Variants in DLGAP2 observed in about 807,000 individuals in gnomAD.
DLGAP2 encodes disks large-associated protein 2.
A neutral mutation model predicts 100.3 loss-of-function variants in DLGAP2; 26 were observed. The ratio of observed to expected loss-of-function variants is 0.26; its 90% CI spans 0.19 to 0.36. DLGAP2 has a LOEUF of 0.36. Ranked by LOEUF, DLGAP2 falls within the 10% of genes least tolerant of loss-of-function variation. The pLI is 1.00. For missense variants in DLGAP2, 1,858 were observed against 1,453.2 expected (o/e 1.28, Z -4.53); for synonymous variants, 886 against 630.1 (o/e 1.41, Z -6.08).
intron 3 of DLGAP2, among the ~76,000 whole-genome samples, chr8:1,340,537 C>G (rs773221863): frequency 2.6e-5 from 4 of 152,204 alleles, no homozygotes; most frequent in Non-Finnish European, 4.4e-5. Flanking sequence ...GATGCCGTCT[C>G]ACAGCAGTCA....
chr8:1,701,045 GCA>G, intron 14 of DLGAP2, 141 bp from the exon 15 acceptor site: 1 of 735,102 alleles, frequency 1.4e-6, no homozygotes, highest in East Asian at 2.7e-5. Flanking sequence ...GGGGACCAGG[GCA>G]GACGGGGGAC....
chr8:1,351,338 G>C (rs796469667), intron 3 of DLGAP2, among the ~76,000 whole-genome samples: 2 of 45,594 alleles, frequency 4.4e-5, no homozygotes, highest in Non-Finnish European at 4.7e-5. Flanking sequence ...CGGGTCCTGA[G>C]TGTGGAACGG....
intron 3 of DLGAP2, among the ~76,000 whole-genome samples, chr8:1,477,068 C>T (rs996524526): frequency 3.9e-5 from 6 of 152,270 alleles, no homozygotes; most frequent in African/African-American, 9.6e-5. Flanking sequence ...CCACCGCAGA[C>T]ACAATTAATC....
At chr8:1,550,568 A>C (rs534068801) in intron 5 of DLGAP2, among the ~76,000 whole-genome samples, 46 of 152,210 alleles carry the variant, frequency 3.0e-4, no homozygotes, top group African/African-American at 1.0e-3. Flanking sequence ...CACTCCCTGC[A>C]CCTGGCCACA....
chr8:1,418,986 C>G (rs994113827), intron 3 of DLGAP2, among the ~76,000 whole-genome samples: 1 of 152,270 alleles, frequency 6.6e-6, no homozygotes, highest in Admixed American at 6.5e-5. Flanking sequence ...TGCTCCCACT[C>G]AGGCACAGCC....
intron 3 of DLGAP2, among the ~76,000 whole-genome samples, chr8:1,320,269 T>A (rs1800864659): frequency 6.6e-6 from 1 of 151,520 alleles, no homozygotes; most frequent in Admixed American, 6.6e-5. Flanking sequence ...CCCCACTGAG[T>A]GTAGTAAAGA....
intron 2 of DLGAP2, among the ~76,000 whole-genome samples, chr8:1,100,060 C>A (rs1196860274): frequency 6.6e-6 from 1 of 152,240 alleles, no homozygotes; most frequent in Non-Finnish European, 1.5e-5. Flanking sequence ...TGTAATGAAT[C>A]TTGTGCCATC....
At chr8:1,682,983 C>T (rs1385012762) in intron 12 of DLGAP2, among the ~76,000 whole-genome samples, 1 of 151,442 alleles carries the variant, frequency 6.6e-6, no homozygotes, top group African/African-American at 2.4e-5. Flanking sequence ...TGGACTCTCT[C>T]AGTGATGTCT....
intron 3 of DLGAP2, among the ~76,000 whole-genome samples, chr8:1,282,641 C>T (rs36190679): frequency 9.4e-6 from 1 of 106,724 alleles, no homozygotes; most frequent in African/African-American, 3.9e-5. Flanking sequence ...TGACCTGAAC[C>T]CAGCGCATGA....
At chr8:1,185,530 G>A (rs78863634) in intron 2 of DLGAP2, among the ~76,000 whole-genome samples, 5,162 of 152,164 alleles carry the variant, frequency 0.034, 124 homozygotes, top group East Asian at 0.16. Context: ...CCTAGGAACC[G>A]TCATACCATC....
chr8:1,686,270 G>A lies in DLGAP2; in HGVS notation c.2705-5265G>A, dbSNP rs189554838. On this transcript the variant is annotated intron_variant, in intron 12 of 14. Coordinates refer to ENST00000637795, the MANE Select transcript of DLGAP2 (RefSeq NM_001346810.2). ...GAATATTATTCAGCCATAAAAAAAG[G>A]AATTAAGTCTTGTCATTTGGAGCAA... 2.0e-3 allele frequency among the ~76,000 whole-genome samples: 298 copies of A among 152,328 alleles called. 2 individuals carry two copies. Among genetic ancestry groups the A allele is most frequent in the Admixed American group, 4.4e-3 (67 of 15,304 alleles).
At chr8:942,398 T>C (rs1799217366) in intron 2 of DLGAP2, among the ~76,000 whole-genome samples, 1 of 152,170 alleles carries the variant, frequency 6.6e-6, no homozygotes, top group African/African-American at 2.4e-5. Flanking sequence ...GTCTTTCTCC[T>C]CCCACCTGGA....
intron 3 of DLGAP2, among the ~76,000 whole-genome samples, chr8:1,270,619 C>T (rs982719790): frequency 2.6e-5 from 4 of 152,168 alleles, no homozygotes; most frequent in African/African-American, 9.6e-5. Flanking sequence ...TTCTCTGACC[C>T]TGACGTTCTC....
intron 2 of DLGAP2, among the ~76,000 whole-genome samples, chr8:935,105 TGAA>T (rs1489513329): frequency 1.8e-4 from 28 of 152,216 alleles, no homozygotes; most frequent in African/African-American, 6.5e-4. Context: ...CCCACACACT[TGAA>T]GAGAGCCTGC....
chr8:1,567,692 C>A (rs879718198), intron 6 of DLGAP2, among the ~76,000 whole-genome samples: 6 of 152,114 alleles, frequency 3.9e-5, no homozygotes, highest in African/African-American at 1.4e-4. Context: ...GGCTCCAGTA[C>A]TAACAATGTT....
chr8:1,212,725 C>G (rs777489883), intron 2 of DLGAP2, among the ~76,000 whole-genome samples: 5 of 151,824 alleles, frequency 3.3e-5, no homozygotes, highest in Non-Finnish European at 4.4e-5. Context: ...TTTATTTTTC[C>G]AGTACCTTTT....
intron 3 of DLGAP2, among the ~76,000 whole-genome samples, chr8:1,370,681 G>A (rs1443700055): frequency 1.3e-5 from 2 of 152,160 alleles, no homozygotes; most frequent in African/African-American, 4.8e-5. Flanking sequence ...CCTGTTCCTG[G>A]GATCACCCCA....
At chr8:1,509,753 T>G (rs1336275050) in intron 4 of DLGAP2, among the ~76,000 whole-genome samples, 1 of 152,178 alleles carries the variant, frequency 6.6e-6, no homozygotes, top group Non-Finnish European at 1.5e-5. Flanking sequence ...TTAAGATAAT[T>G]AAATATGGTA....
intron 1 of DLGAP2, among the ~76,000 whole-genome samples, chr8:830,894 C>CT (rs5888818): frequency 1.8e-5 from 2 of 110,614 alleles, no homozygotes; most frequent in East Asian, 2.6e-4. Flanking sequence ...TCAGCTGTGA[C>CT]TTTTTTTTTT....
Sources: allele counts gnomAD v4.1 joint callset (sites outside exome capture counted in the v4.1 genomes callset), GRCh38; gene constraint gnomAD v4.1.1; transcripts MANE v1.5; gene names NCBI Gene and HGNC (gene_info 2026-07-23, HGNC 2026-07-21).